The following WDR18 variants were observed in gnomAD, a reference collection of about 807,000 sequenced individuals.
WDR18 encodes the protein WD repeat-containing protein 18.
Under a neutral mutation model 49.6 loss-of-function variants are expected in WDR18, and 33 were observed. The ratio of observed to expected loss-of-function variants is 0.67; its 90% CI spans 0.50 to 0.89. The LOEUF (loss-of-function observed/expected upper bound fraction) is 0.89. Among genes scored for constraint, WDR18 ranks in the 40% least tolerant of loss-of-function variants. The pLI is 0.00. For synonymous variants in WDR18, 315 were observed against 263.6 expected, an observed-to-expected ratio of 1.19 and a Z score of -1.89; for missense variants, 653 against 593.6, an observed-to-expected ratio of 1.10 and a Z score of -1.04.
intron 2 of WDR18, 29 bp from the exon 3 acceptor site, chr19:989,733 C>A (rs1168931242): frequency 6.2e-7 from 1 of 1,611,726 alleles, no homozygotes; most frequent in South Asian, 1.1e-5. Context: ...CTTTCCTCCC[C>A]TGACCTGGAT....
chr19:991,994 G>T lies in WDR18; in HGVS notation c.971G>T (p.Ser324Ile). The change falls in exon 8 of 10, where the codon AGC becomes ATC. Residue 324 changes from serine (S) to isoleucine (I), a missense_variant. Coordinates refer to ENST00000585809, the MANE Select transcript of WDR18 (RefSeq NM_024100.4). ...GCCGCCATCCTGCTGGCGCCCGTCA[G>T]CATGCTGAGCTCAGACTTCAGGCCC... is the stretch of plus-strand genomic sequence containing the variant. ...TNAAILLAPVSMLSSDFRPSL... is the reference protein window; with the variant it reads ...TNAAILLAPVIMLSSDFRPSL... 6.3e-7 allele frequency: 1 copy of T among 1,597,756 alleles called. No homozygotes were observed.
intron 1 of WDR18, 34 bp downstream of exon 1, chr19:984,597 G>C (rs2038455394): frequency 7.2e-7 from 1 of 1,392,902 alleles, no homozygotes; most frequent in African/African-American, 1.5e-5. Flanking sequence ...TGGGGTCATG[G>C]GGCGCCCGAG....
At chr19:993,972 G>C in intron 8 of WDR18, 48 bp from the exon 9 acceptor site, 2 of 1,543,164 alleles carry the variant, frequency 1.3e-6, no homozygotes, top group Non-Finnish European at 1.7e-6. Flanking sequence ...AAAGCGTGTG[G>C]TGTGTGACAG....
upstream of WDR18, chr19:984,282 T>A: frequency 7.2e-7 from 1 of 1,394,212 alleles, no homozygotes; most frequent in Non-Finnish European, 9.4e-7. Flanking sequence ...GGGCCGCCGC[T>A]CTGGCCCGCG....
chr19:993,550 G>A (rs1017749011), intron 8 of WDR18, among the ~76,000 whole-genome samples: 14 of 152,228 alleles, frequency 9.2e-5, no homozygotes, highest in Non-Finnish European at 5.9e-5. Flanking sequence ...GCGGGTTCCC[G>A]ACCTCTGATC....
At position 993,884 on chromosome 19, in the gene WDR18, C is replaced by T. The variant is rs574451808; in HGVS notation, c.1099-136C>T. 1.6e-4 allele frequency: 159 copies of T among 964,378 alleles called. 1 individual carries two copies. Among genetic ancestry groups the T allele is most frequent in the East Asian group, 1.5e-3 (57 of 38,210 alleles). The allele number at this position is 964,378 out of a possible 1,614,324, so 59.7% of individuals were successfully genotyped here. A position where few individuals can be genotyped will look rare whatever the true frequency, so the allele number is the denominator to read the frequency against. On this transcript the variant is annotated intron_variant, in intron 8 of 9. Coordinates refer to ENST00000585809, the MANE Select transcript of WDR18 (RefSeq NM_024100.4). ...CGGAGGTGAACGCCCCCGTCTCAGT[C>T]TTCCCTTCTGTCTGTGGGCGTCACG...
At chr19:989,701 GC>G in intron 2 of WDR18, 60 bp from the exon 3 acceptor site, 2 of 1,598,664 alleles carry the variant, frequency 1.3e-6, no homozygotes, top group African/African-American at 1.3e-5. Context: ...TGGGGCTGCA[GC>G]CCCCCTTTCC....
At chr19:989,026 A>C (rs115758056) in intron 2 of WDR18, among the ~76,000 whole-genome samples, 759 of 44,532 alleles carry the variant, frequency 0.017, 3 homozygotes, top group South Asian at 0.023. Flanking sequence ...ACAACCCCCC[A>C]CAGAGCATCT....
chr19:984,187 G>T, upstream of WDR18: 1 of 740,158 alleles, frequency 1.4e-6, no homozygotes, highest in Non-Finnish European at 2.0e-6. Flanking sequence ...CGAGTCTCAG[G>T]TAAGCGGGAA....
intron 2 of WDR18, among the ~76,000 whole-genome samples, chr19:987,143 GACTAGCC>G (rs1407038267): frequency 1.3e-5 from 2 of 152,212 alleles, no homozygotes; most frequent in African/African-American, 4.8e-5. Context: ...AGGAGTTCAA[GACTAGCC>G]TGGGTAACAT....
In WDR18 at chr19:992,068, G is replaced by C; in HGVS notation, c.1045G>C (p.Gly349Arg). 1 of 1,566,260 alleles carries C rather than the reference G, an allele frequency of 6.4e-7. No individual in the cohort carries two copies. Among genetic ancestry groups the C allele is most frequent in the South Asian group, 1.2e-5 (1 of 86,552 alleles). The change falls in exon 8 of 10, where the codon GGG becomes CGG. Residue 349 changes from glycine to arginine, a missense_variant. Gly to Arg is a moderately radical substitution (Grantham distance 125). Coordinates refer to ENST00000585809, the MANE Select transcript of WDR18 (RefSeq NM_024100.4). ...CAAGCACCTGCTGGGCGCCGAGCAC[G>C]GGGACGAGCCGCGCCACGGGGGCCT... ...FNKHLLGAEHGDEPRHGGLTL... is the reference protein window; with the variant it reads ...FNKHLLGAEHRDEPRHGGLTL...
intron 2 of WDR18, 96 bp downstream of exon 2, chr19:986,071 C>A: frequency 8.4e-7 from 1 of 1,194,186 alleles, no homozygotes; most frequent in Non-Finnish European, 1.2e-6. Context: ...CGGCCTGGGG[C>A]CCTGGGATGG....
At chr19:983,908 C>T (rs2038445156), upstream of WDR18, among the ~76,000 whole-genome samples, 1 of 152,092 alleles carries the variant, frequency 6.6e-6, no homozygotes, top group Non-Finnish European at 1.5e-5. Flanking sequence ...CAGTGAATTC[C>T]AATGTATTCA....
chr19:988,801 C>CT (rs2038502927), intron 2 of WDR18, among the ~76,000 whole-genome samples: 1 of 152,274 alleles, frequency 6.6e-6, no homozygotes, highest in East Asian at 1.9e-4. Context: ...CGTGGAGCCC[C>CT]TGTGTGTTTG....
At chr19:990,790 T>G in intron 4 of WDR18, 62 bp from the exon 5 acceptor site, 1 of 1,531,190 alleles carries the variant, frequency 6.5e-7, no homozygotes, top group Non-Finnish European at 8.8e-7. Flanking sequence ...GTGCCCCTGT[T>G]CCCATGGGGT....
At chr19:984,282 T>C, upstream of WDR18, 4 of 1,394,212 alleles carry the variant, frequency 2.9e-6, no homozygotes, top group Non-Finnish European at 3.8e-6. Context: ...GGGCCGCCGC[T>C]CTGGCCCGCG....
At chr19:985,785 G>A (rs972790754) in intron 1 of WDR18, 80 bp from the exon 2 acceptor site, 30 of 1,380,116 alleles carry the variant, frequency 2.2e-5, no homozygotes, top group South Asian at 1.4e-4. Flanking sequence ...TTGCCCAGGC[G>A]TCCCCTCCCC....
intron 4 of WDR18, chr19:990,599 A>G: frequency 5.0e-6 from 4 of 806,976 alleles, no homozygotes; most frequent in South Asian, 2.1e-5. Context: ...ATCGGAGGTC[A>G]TCACTATGCT....
Position 990,143 on chromosome 19 carries a change from C to T in WDR18, c.456-80C>T, listed in dbSNP as rs922662499. 9 of 1,464,784 alleles carry T rather than the reference C, an allele frequency of 6.1e-6. No homozygotes were observed. The Admixed American group carries it at 1.1e-4, about 18-fold the overall frequency. The allele number at this position is 1,464,784 out of a possible 1,614,324, so 90.7% of individuals were successfully genotyped here. On this transcript the variant is annotated intron_variant, in intron 3 of 9. Coordinates refer to ENST00000585809, the MANE Select transcript of WDR18 (RefSeq NM_024100.4). ...GCTGCTGAGTGGAGGCAGGTGTGTG[C>T]GTGAGGTGGGTGCTGGAGGCGTGGA...
Sources: allele counts gnomAD v4.1 joint callset (sites outside exome capture counted in the v4.1 genomes callset), GRCh38; gene constraint gnomAD v4.1.1; transcripts MANE v1.5; gene names NCBI Gene and HGNC (gene_info 2026-07-23, HGNC 2026-07-21).